Variants in ACER2 observed in about 807,000 individuals in gnomAD.
The protein encoded by ACER2 is alkCDase 2.
Under a neutral mutation model 34.7 loss-of-function variants are expected in ACER2, and 26 were observed. That is an observed-to-expected ratio of 0.75 (90% CI 0.55 to 1.04). ACER2 has a LOEUF of 1.04. Ranked by LOEUF, ACER2 falls within the 50% of genes least tolerant of loss-of-function variation. The pLI is 0.00. For missense variants in ACER2, 352 were observed against 340.8 expected (o/e 1.03, Z -0.26); for synonymous variants, 138 against 132.1 (o/e 1.04, Z -0.31).
intron 1 of ACER2, among the ~76,000 whole-genome samples, chr9:19,422,136 A>AG (rs1026415152): frequency 1.3e-5 from 2 of 151,304 alleles, no homozygotes; most frequent in African/African-American, 4.8e-5. Flanking sequence ...AAAAAAAAAA[A>AG]ATTATAATAA....
At position 19,415,468 on chromosome 9, in the gene ACER2, C is replaced by G. The variant is rs541612354; in HGVS notation, c.108+6276C>G. 2.6e-5 allele frequency among the ~76,000 whole-genome samples: 4 copies of G among 151,778 alleles called. No individual in the cohort carries two copies. In the South Asian group the frequency reaches 8.3e-4, roughly 32 times the overall value. ...CAAGATTTCGCCACTGTACTCTAGCCTGGGTGACAGAGTGAGACTCCATCT... is the reference window on the plus strand; with the variant it reads ...CAAGATTTCGCCACTGTACTCTAGCGTGGGTGACAGAGTGAGACTCCATCT... On this transcript the variant is annotated intron_variant, in intron 1 of 5. Coordinates refer to ENST00000340967, the MANE Select transcript of ACER2 (RefSeq NM_001010887.3).
chr9:19,444,746 C>T (rs747553110), intron 4 of ACER2, among the ~76,000 whole-genome samples: 17 of 152,182 alleles, frequency 1.1e-4, no homozygotes, highest in Middle Eastern at 3.4e-3. Context: ...AGCCCAAAGG[C>T]GAGGCATTCA....
At chr9:19,412,369 A>G (rs1324358334) in intron 1 of ACER2, among the ~76,000 whole-genome samples, 1 of 152,194 alleles carries the variant, frequency 6.6e-6, no homozygotes, top group African/African-American at 2.4e-5. Context: ...ACGCATGTAT[A>G]AGGCTGGGGG....
chr9:19,409,036 G>A lies in ACER2; in HGVS notation c.-49G>A. ...CGCGTTTTGCCTCCGCAGCAGCTCTGGGCTCTTCTCAGCTGCGCGAGCAGC... is the reference window on the plus strand; with the variant it reads ...CGCGTTTTGCCTCCGCAGCAGCTCTAGGCTCTTCTCAGCTGCGCGAGCAGC... On this transcript the variant is annotated 5_prime_UTR_variant, in exon 1 of 6. Transcript: ENST00000340967. 6.7e-7 allele frequency: 1 copy of A among 1,490,634 alleles called. No individual in the cohort carries two copies. Among genetic ancestry groups the A allele is most frequent in the Non-Finnish European group, 9.0e-7 (1 of 1,109,646 alleles). 92.3% of individuals were successfully genotyped at this position (1,490,634 alleles called of 1,614,324 possible).
At chr9:19,440,501 C>A (rs962677047) in intron 4 of ACER2, among the ~76,000 whole-genome samples, 1 of 152,118 alleles carries the variant, frequency 6.6e-6, no homozygotes, top group African/African-American at 2.4e-5. Flanking sequence ...CTGCCTTGGC[C>A]CTTCTACCAT....
chr9:19,425,180 A>G (rs1830524275), intron 3 of ACER2, among the ~76,000 whole-genome samples: 1 of 152,240 alleles, frequency 6.6e-6, no homozygotes, highest in African/African-American at 2.4e-5. Context: ...TTCTGCTACA[A>G]CATTTCCTTG....
At chr9:19,424,459 T>C (rs1287643205) in intron 2 of ACER2, 1 of 985,290 alleles carries the variant, frequency 1.0e-6, no homozygotes, top group Non-Finnish European at 1.2e-6. Flanking sequence ...CAGAATGCGT[T>C]TAACTGTGGA....
At chr9:19,445,154 C>A (rs1831311848) in intron 4 of ACER2, among the ~76,000 whole-genome samples, 1 of 152,192 alleles carries the variant, frequency 6.6e-6, no homozygotes, top group African/African-American at 2.4e-5. Flanking sequence ...CACCAGCTGC[C>A]CCCAGGTGTT....
intron 5 of ACER2, among the ~76,000 whole-genome samples, chr9:19,448,666 C>T (rs1831457687): frequency 6.6e-6 from 1 of 152,158 alleles, no homozygotes; most frequent in Admixed American, 6.5e-5. Flanking sequence ...CACACTTTCA[C>T]ATATACTGGA....
intron 3 of ACER2, among the ~76,000 whole-genome samples, chr9:19,434,666 C>A (rs539718733): frequency 5.8e-4 from 88 of 152,194 alleles, no homozygotes; most frequent in African/African-American, 2.0e-3. Flanking sequence ...GCAGGCACTC[C>A]GCAGGCTGAG....
chr9:19,424,933 C>A, intron 3 of ACER2, 92 bp downstream of exon 3: 2 of 1,495,610 alleles, frequency 1.3e-6, no homozygotes, highest in South Asian at 2.5e-5. Flanking sequence ...CATGATTGAA[C>A]TCAGCCTAGT....
At chr9:19,434,272 G>A (rs1477871243) in intron 3 of ACER2, among the ~76,000 whole-genome samples, 2 of 151,316 alleles carry the variant, frequency 1.3e-5, no homozygotes, top group Non-Finnish European at 1.5e-5. Context: ...GGGCAGAGAT[G>A]CTCCTCACTT....
intron 4 of ACER2, among the ~76,000 whole-genome samples, chr9:19,439,271 C>T (rs1346694517): frequency 6.6e-6 from 1 of 151,974 alleles, no homozygotes; most frequent in African/African-American, 2.4e-5. Context: ...TGATTATTCC[C>T]TCCACTCTCC....
intron 1 of ACER2, among the ~76,000 whole-genome samples, chr9:19,417,942 T>A (rs531165042): frequency 4.6e-5 from 7 of 152,096 alleles, no homozygotes; most frequent in African/African-American, 1.7e-4. Flanking sequence ...TAGGAGAAAA[T>A]TTTTGCTATC....
intron 1 of ACER2, among the ~76,000 whole-genome samples, chr9:19,420,590 C>G (rs1321464189): frequency 5.3e-5 from 8 of 152,150 alleles, no homozygotes; most frequent in Admixed American, 6.5e-5. Context: ...TATAAAAATG[C>G]TGCTGTGGGA....
intron 1 of ACER2, among the ~76,000 whole-genome samples, 184 bp from the exon 2 acceptor site, chr9:19,423,678 C>T (rs1830476521): frequency 1.3e-5 from 2 of 152,132 alleles, no homozygotes; most frequent in Non-Finnish European, 2.9e-5. Flanking sequence ...TTCAGCCTTC[C>T]AGCCTGGGTG....
At chr9:19,417,655 C>G (rs1467825639) in intron 1 of ACER2, among the ~76,000 whole-genome samples, 1 of 152,142 alleles carries the variant, frequency 6.6e-6, no homozygotes, top group Non-Finnish European at 1.5e-5. Context: ...GGAAAACTAG[C>G]TAGCCATAAT....
chr9:19,435,200 G>C (rs998370605), intron 4 of ACER2, 116 bp downstream of exon 4: 2 of 1,286,440 alleles, frequency 1.6e-6, no homozygotes, highest in Non-Finnish European at 2.1e-6. Context: ...TGAAGAGTTA[G>C]TTGCTGACTG....
chr9:19,442,515 T>C (rs905200204), intron 4 of ACER2, among the ~76,000 whole-genome samples: 6 of 152,266 alleles, frequency 3.9e-5, no homozygotes, highest in Admixed American at 2.0e-4. Flanking sequence ...CTACAGAGCC[T>C]CCCTCCTGCC....
Sources: allele counts gnomAD v4.1 joint callset (sites outside exome capture counted in the v4.1 genomes callset), GRCh38; gene constraint gnomAD v4.1.1; transcripts MANE v1.5; gene names NCBI Gene and HGNC (gene_info 2026-07-23, HGNC 2026-07-21).